SLC39A5: variants seen among roughly 807,000 people sequenced by gnomAD.
The protein encoded by SLC39A5 is solute carrier family 39 member 5.
In SLC39A5, 42 loss-of-function variants were observed where a neutral mutation model predicts 46.9. That is an observed-to-expected ratio of 0.90 (90% confidence interval 0.70 to 1.16). SLC39A5 has a LOEUF of 1.16. SLC39A5 is among the 50% of genes most tolerant of loss of function. SLC39A5 has a pLI of 0.00. For missense variants in SLC39A5, 677 were observed against 686.8 expected, an observed-to-expected ratio of 0.99 and a Z score of 0.16; for synonymous variants, 311 against 323.1, an observed-to-expected ratio of 0.96 and a Z score of 0.40.
Position 56,237,827 on chromosome 12 carries a change from T to C in SLC39A5, c.*96T>C, listed in dbSNP as rs1870982265. 7.3e-7 allele frequency: 1 copy of C among 1,366,564 alleles called. No homozygotes were observed. Among genetic ancestry groups the C allele is most frequent in the African/African-American group, 1.5e-5 (1 of 68,252 alleles). The allele number at this position is 1,366,564 out of a possible 1,614,324, so 84.7% of individuals were successfully genotyped here. The stretch of plus-strand genomic sequence containing the variant: ...GCCAGTAGGAGCAATAGGATTTTAA[T>C]AAACAGAACCCATCCCAAAGCCATG... On this transcript the variant is annotated 3_prime_UTR_variant, in exon 13 of 13. Coordinates refer to ENST00000454355, the MANE Select transcript of SLC39A5 (RefSeq NM_173596.3).
rs774585000 is a variant in SLC39A5 at position 56,236,585 on chromosome 12, C to A, written c.1046C>A (p.Pro349Gln). 13 of 1,612,622 alleles carry A rather than the reference C, an allele frequency of 8.1e-6. No homozygotes were observed. The highest frequency in any genetic ancestry group is 6.7e-5 in the East Asian group (3 of 44,848). The change falls in exon 10 of 13, where the codon CCA (proline) becomes CAA (glutamine). Residue 349 changes from proline to glutamine, a missense_variant. Transcript: ENST00000454355. ...TGTCCTGTGCTTCTTCCCGCAGAGC[C>A]AGGGGCTCAGGGCCAGAGGGAGAAG... ...ALQPLQAAPEPGAQGQREKNS... is the reference protein window; with the variant it reads ...ALQPLQAAPEQGAQGQREKNS...
chr12:56,230,627 A>G (rs1393016623), intron 2 of SLC39A5: 2 of 152,240 alleles, frequency 1.3e-5, no homozygotes, highest in Admixed American at 6.5e-5. Context: ...GCAGAGACTG[A>G]CTTTTGATCC....
At chr12:56,232,228 T>G (rs1252869118) in intron 4 of SLC39A5, among the ~76,000 whole-genome samples, 2 of 147,530 alleles carry the variant, frequency 1.4e-5, no homozygotes, top group Non-Finnish European at 3.0e-5. Context: ...TGCAGTGGTG[T>G]GATCTTGGCT....
chr12:56,236,433 G>A lies in SLC39A5; in HGVS notation c.983G>A (p.Arg328His), dbSNP rs149897918. 2.0e-4 allele frequency: 325 copies of A among 1,614,236 alleles called. 1 individual carries two copies. The Middle Eastern group carries it at 5.9e-3, about 29-fold the overall frequency. ...CRRKRRNLET[R>H]NLDPENGSGM... ...CGAAAACGAAGGAATCTCGAAACAC[G>A]CAACTTGGATCCGGAGAATGGCAGT... The change falls in exon 9 of 13, where the codon CGC (arginine) becomes CAC (histidine). Residue 328 changes from arginine to histidine, a missense_variant. By Grantham distance (29) the Arg-to-His change is conservative. Coordinates refer to ENST00000454355, the MANE Select transcript of SLC39A5 (RefSeq NM_173596.3).
At chr12:56,233,525 G>A (rs1870446284) in intron 5 of SLC39A5, among the ~76,000 whole-genome samples, 1 of 152,028 alleles carries the variant, frequency 6.6e-6, no homozygotes, top group African/African-American at 2.4e-5. Context: ...TATTTCAATA[G>A]TGAACTATGT....
chr12:56,236,376 G>C lies in SLC39A5; in HGVS notation c.946-20G>C, dbSNP rs757468415. 3.7e-6 allele frequency: 6 copies of C among 1,612,894 alleles called. No homozygotes were observed. Among genetic ancestry groups the C allele is most frequent in the Non-Finnish European group, 5.1e-6 (6 of 1,179,014 alleles). ...GGCTCTGCTGCCTCCTCCACCAGGAGGGATGCCCTCCTATTTCAGAGATGC... is the reference window on the plus strand; with the variant it reads ...GGCTCTGCTGCCTCCTCCACCAGGACGGATGCCCTCCTATTTCAGAGATGC... On this transcript the variant is annotated intron_variant, in intron 8 of 12. Coordinates refer to ENST00000454355, the MANE Select transcript of SLC39A5 (RefSeq NM_173596.3).
Position 56,236,674 on chromosome 12 carries a change from G to C in SLC39A5, c.1135G>C (p.Gly379Arg), listed in dbSNP as rs774872842. ...GHQGHSHGHQ[G>R]GTDITWMVLL... ...CCAAGGCCACAGTCATGGGCACCAG[G>C]GTGGCACTGATATCACGTGGATGGT... Residue 379 changes from glycine (G) to arginine (R), a missense_variant, in exon 10 of 13, where the codon GGT (glycine) becomes CGT (arginine). By Grantham distance (125) the Gly-to-Arg change is moderately radical. Coordinates refer to ENST00000454355, the MANE Select transcript of SLC39A5 (RefSeq NM_173596.3). The C allele has an allele frequency of 5.0e-6, 8 of 1,613,626 alleles. No homozygotes were observed. The East Asian group carries it at 1.6e-4, about 31-fold the overall frequency.
chr12:56,235,578 G>A lies in SLC39A5; in HGVS notation c.823G>A (p.Ala275Thr), dbSNP rs200985814. Residue 275 changes from alanine (A) to threonine (T), a missense_variant, in exon 8 of 13, where the codon GCA becomes ACA. Physicochemically the swap from Ala to Thr is moderately conservative, Grantham distance 58. Coordinates refer to ENST00000454355, the MANE Select transcript of SLC39A5 (RefSeq NM_173596.3). ...LLPHAQEGRH[A>T]GPGGLPEKDL... Reference sequence around the variant, plus strand: ...CTGTCAGGCACAAGAAGGGCGGCACGCAGGACCTGGCGGACTACCAGAGAA... The same window carrying A: ...CTGTCAGGCACAAGAAGGGCGGCACACAGGACCTGGCGGACTACCAGAGAA... 8.0e-5 allele frequency: 129 copies of A among 1,613,930 alleles called. No homozygotes were observed. Among genetic ancestry groups the A allele is most frequent in the Middle Eastern group, 1.6e-4 (1 of 6,084 alleles).
At position 56,236,466 on chromosome 12, in the gene SLC39A5, C is replaced by T. The variant is rs577350818; in HGVS notation, c.1016C>T (p.Ala339Val). The T allele has an allele frequency of 9.9e-6, 16 of 1,614,218 alleles. No individual in the cohort carries two copies. The South Asian group carries it at 1.1e-4, about 11-fold the overall frequency. Reference sequence around the variant, plus strand: ...GATCCGGAGAATGGCAGTGGGATGGCCCTTCAGCCCCTACAGGCAGCTCCA... The same window carrying T: ...GATCCGGAGAATGGCAGTGGGATGGTCCTTCAGCCCCTACAGGCAGCTCCA... ...NLDPENGSGM[A>V]LQPLQAAPEP... The change falls in exon 9 of 13, where the codon GCC (alanine) becomes GTC (valine). Residue 339 changes from alanine to valine, a missense_variant. By Grantham distance (64) the Ala-to-Val change is moderately conservative. Transcript: ENST00000454355.
At chr12:56,237,438 G>A in intron 12 of SLC39A5, 98 bp downstream of exon 12, 1 of 1,527,872 alleles carries the variant, frequency 6.5e-7, no homozygotes. Context: ...TTAGCTCCTG[G>A]AAGGGCGTCA....
chr12:56,233,271 A>G (rs1341811413), intron 5 of SLC39A5, among the ~76,000 whole-genome samples: 1 of 101,468 alleles, frequency 9.9e-6, no homozygotes, highest in Middle Eastern at 3.9e-3. Flanking sequence ...TCTCAAAAAA[A>G]AAAAAAAAAA....
intron 8 of SLC39A5, among the ~76,000 whole-genome samples, chr12:56,236,141 T>G (rs1010597279): frequency 4.6e-5 from 7 of 152,236 alleles, no homozygotes; most frequent in Admixed American, 4.6e-4. Flanking sequence ...GTGCAGGACC[T>G]ATCGGCTAAC....
At chr12:56,234,366 G>C (rs2135855245) in intron 5 of SLC39A5, among the ~76,000 whole-genome samples, 1 of 149,448 alleles carries the variant, frequency 6.7e-6, no homozygotes, top group Non-Finnish European at 1.5e-5. Flanking sequence ...CCAGGCTGGA[G>C]TGCACTGGTG....
intron 8 of SLC39A5, 35 bp downstream of exon 8, chr12:56,235,735 A>C (rs999726490): frequency 6.2e-7 from 1 of 1,612,180 alleles, no homozygotes; most frequent in Non-Finnish European, 8.5e-7. Flanking sequence ...TTCTGCTGAG[A>C]CCAGAGTCCC....
chr12:56,237,628 C>T lies in SLC39A5; in HGVS notation c.1520C>T (p.Pro507Leu). Residue 507 changes from proline to leucine, a missense_variant, in exon 13 of 13, where the codon CCC becomes CTC. Physicochemically the swap from Pro to Leu is moderately conservative, Grantham distance 98 (BLOSUM62 -3). Coordinates refer to ENST00000454355, the MANE Select transcript of SLC39A5 (RefSeq NM_173596.3). ...LLRPPEPLPT[P>L]HVLLQGLGLL... Reference sequence around the variant, plus strand: ...CGTCCTCCGGAGCCCCTGCCTACGCCCCATGTGCTCCTGCAGGGGCTGGGG... The same window carrying T: ...CGTCCTCCGGAGCCCCTGCCTACGCTCCATGTGCTCCTGCAGGGGCTGGGG... 6.2e-7 allele frequency: 1 copy of T among 1,613,412 alleles called. No homozygotes were observed. Among genetic ancestry groups the T allele is most frequent in the Non-Finnish European group, 8.5e-7 (1 of 1,179,810 alleles).
rs1565596839 is a variant in SLC39A5, at chr12:56,231,215, C to A, written c.-60C>A. On this transcript the variant is annotated 5_prime_UTR_variant, in exon 4 of 13. Coordinates refer to ENST00000454355, the MANE Select transcript of SLC39A5 (RefSeq NM_173596.3). ...CCTCATTCTTCCAGGGCACAGTCCT[C>A]AGGATGTTTCGGGGAGAATAGGAGC... 2 of 1,514,520 alleles carry A rather than the reference C, an allele frequency of 1.3e-6. No individual in the cohort carries two copies. The highest frequency in any genetic ancestry group is 4.5e-5 in the East Asian group (2 of 44,034). The allele number at this position is 1,514,520 out of a possible 1,614,324, so 93.8% of individuals were successfully genotyped here. A position where few individuals can be genotyped will look rare whatever the true frequency, so the allele number is the denominator to read the frequency against.
At chr12:56,231,956 G>A (rs1469599815) in intron 4 of SLC39A5, among the ~76,000 whole-genome samples, 1 of 151,178 alleles carries the variant, frequency 6.6e-6, no homozygotes, top group Non-Finnish European at 1.5e-5. Context: ...TCAAACTCCT[G>A]GGCTCAGCTC....
chr12:56,237,170 C>T lies in SLC39A5; in HGVS notation c.1309C>T (p.Gln437Ter), dbSNP rs1437111296. The T allele has an allele frequency of 6.2e-7, 1 of 1,613,716 alleles. No individual in the cohort carries two copies. The highest frequency in any genetic ancestry group is 8.5e-7 in the Non-Finnish European group (1 of 1,180,026). The change falls in exon 12 of 13, where the codon CAG becomes TAG. Residue 437 changes from glutamine (Q) to a stop codon, truncating the protein, a stop_gained. Transcript: ENST00000454355. LOFTEE classifies it high-confidence loss of function. ...HELGDFAMLL[Q>*]SGLSFRRLLL... Reference sequence around the variant, plus strand: ...AATAGGTGACTTTGCCATGCTGCTCCAGTCAGGGCTGTCCTTTCGGCGGCT... The same window carrying T: ...AATAGGTGACTTTGCCATGCTGCTCTAGTCAGGGCTGTCCTTTCGGCGGCT...
At chr12:56,237,123 T>C in intron 11 of SLC39A5, 27 bp from the exon 12 acceptor site, 1 of 1,613,490 alleles carries the variant, frequency 6.2e-7, no homozygotes, top group Non-Finnish European at 8.5e-7. Flanking sequence ...GCTTACTCCC[T>C]CCCATCCTGT....
Sources: allele counts gnomAD v4.1 joint callset (sites outside exome capture counted in the v4.1 genomes callset), GRCh38; gene constraint gnomAD v4.1.1; transcripts MANE v1.5; gene names NCBI Gene and HGNC (gene_info 2026-07-23, HGNC 2026-07-21).